ZER1: variants seen among roughly 807,000 people sequenced by gnomAD.
ZER1 encodes the protein protein zer-1 homolog.
Under a neutral mutation model 78.8 loss-of-function variants are expected in ZER1, and 11 were observed. The observed-to-expected ratio is 0.14, with a 90% CI of 0.09 to 0.23. The LOEUF (loss-of-function observed/expected upper bound fraction) is 0.23. ZER1 is among the 10% of genes least tolerant of loss of function. The pLI, the probability that ZER1 is intolerant of heterozygous loss-of-function variation, is 1.00. For synonymous variants in ZER1, 400 were observed against 407.0 expected (o/e 0.98, Z 0.21); for missense variants, 588 against 996.9 (o/e 0.59, Z 5.52).
In ZER1 at chr9:128,736,672, C is replaced by CTT. The variant is rs777824240; in HGVS notation, c.2043-1243_2043-1242dup. 6.5e-3 allele frequency among the ~76,000 whole-genome samples: 835 copies of CTT among 129,192 alleles called. 15 individuals are homozygous for CTT. The highest frequency in any genetic ancestry group is 0.023 in the African/African-American group (766 of 33,512). The allele number at this position is 129,192 out of a possible 152,430, so 84.8% of individuals were successfully genotyped here. On this transcript the variant is annotated intron_variant, in intron 13 of 15. Transcript: ENST00000291900. Reference sequence around the variant, plus strand: ...ACAGGCGTGAGCCACCATGCCTGGCCTTTTTTTTTTTTTTTTTGGAGAAAG... The same window carrying CTT: ...ACAGGCGTGAGCCACCATGCCTGGCCTTTTTTTTTTTTTTTTTTTGGAGAAAG...
intron 5 of ZER1, among the ~76,000 whole-genome samples, chr9:128,752,299 T>C (rs888056383): frequency 8.6e-5 from 13 of 151,880 alleles, no homozygotes; most frequent in African/African-American, 3.1e-4. Context: ...GCACAGCACT[T>C]GGCAGAGGGG....
chr9:128,747,847 G>C (rs1027429601), intron 8 of ZER1, among the ~76,000 whole-genome samples: 1 of 152,190 alleles, frequency 6.6e-6, no homozygotes, highest in African/African-American at 2.4e-5. Flanking sequence ...TGGAACTCCT[G>C]ATCTTAAGTG....
Position 128,741,667 on chromosome 9 carries a change from G to T in ZER1, c.1618-13C>A. 1 of 1,614,142 alleles carries T rather than the reference G, an allele frequency of 6.2e-7. No individual in the cohort carries two copies. The highest frequency in any genetic ancestry group is 8.5e-7 in the Non-Finnish European group (1 of 1,180,034). On this transcript the variant is annotated splice_polypyrimidine_tract_variant and intron_variant, in intron 10 of 15. Coordinates refer to ENST00000291900, the MANE Select transcript of ZER1 (RefSeq NM_006336.4). ...TGACCTGGTCACACTGTGAGGGCAG[G>T]GCAGGGCTCAGCCAAGGCTCCTGGT...
intron 8 of ZER1, among the ~76,000 whole-genome samples, chr9:128,743,278 G>T (rs1863368801): frequency 6.6e-6 from 1 of 151,670 alleles, no homozygotes; most frequent in Admixed American, 6.6e-5. Context: ...ACCATGCCCG[G>T]CTAATTTTTG....
chr9:128,763,053 G>A (rs547771131), intron 1 of ZER1, among the ~76,000 whole-genome samples: 1 of 152,222 alleles, frequency 6.6e-6, no homozygotes, highest in East Asian at 1.9e-4. Context: ...AAAGGCCCTC[G>A]GCACAGGTCA....
In ZER1 at chr9:128,755,166, C is replaced by T. The variant is rs1863814693; in HGVS notation, c.158+242G>A. On this transcript the variant is annotated intron_variant, in intron 2 of 15. Coordinates refer to ENST00000291900, the MANE Select transcript of ZER1 (RefSeq NM_006336.4). The surrounding 1 kb of genome is among the most constrained non-coding windows in gnomAD (Gnocchi z 5.6). ...TGTGCTGCATAAGCTTACATGTGTA[C>T]ACACACCCATGCCTTCACGTGCACA... 6.6e-6 allele frequency among the ~76,000 whole-genome samples: 1 copy of T among 152,140 alleles called. No individual in the cohort carries two copies. Among genetic ancestry groups the T allele is most frequent in the African/African-American group, 2.4e-5 (1 of 41,422 alleles).
At chr9:128,757,584 C>A (rs1033231355) in intron 1 of ZER1, among the ~76,000 whole-genome samples, 5 of 151,766 alleles carry the variant, frequency 3.3e-5, no homozygotes, top group Non-Finnish European at 5.9e-5. Context: ...GTGAAACAGA[C>A]AACAAACATG....
At position 128,740,921 on chromosome 9, in the gene ZER1, T is replaced by G. The variant is rs767810285; in HGVS notation, c.1738-34A>C. ...AGGAGAGCCAATGGGCCGCATCAAT[T>G]AGTACTTAATGACTTAGTATCTGGT... On this transcript the variant is annotated intron_variant, in intron 11 of 15. Coordinates refer to ENST00000291900, the MANE Select transcript of ZER1 (RefSeq NM_006336.4). The surrounding 1 kb of genome is among the most constrained non-coding windows in gnomAD (Gnocchi z 4.4). 1 of 777,530 alleles carries G rather than the reference T, an allele frequency of 1.3e-6. No homozygotes were observed. The highest frequency in any genetic ancestry group is 2.4e-6 in the Non-Finnish European group (1 of 416,242). The allele number at this position is 777,530 out of a possible 1,614,324, so 48.2% of individuals were successfully genotyped here. A position where few individuals can be genotyped will look rare whatever the true frequency, so the allele number is the denominator to read the frequency against.
At position 128,740,369 on chromosome 9, in the gene ZER1, G is replaced by A. The variant is rs574215871; in HGVS notation, c.1854-250C>T. Among the ~76,000 whole-genome samples, 5 of 152,268 alleles carry A rather than the reference G, an allele frequency of 3.3e-5. No homozygotes were observed. Among genetic ancestry groups the A allele is most frequent in the Admixed American group, 1.3e-4 (2 of 15,284 alleles). On this transcript the variant is annotated intron_variant, in intron 12 of 15. Transcript: ENST00000291900. This position sits in a 1 kb window ranked among gnomAD's most constrained non-coding sequence, Gnocchi z 4.4. ...TCAAGGCAGGTGGATCACGAGGTCC[G>A]GAGATCGAGACCATCCTGGCTAACA...
chr9:128,758,832 G>C (rs934665765), intron 1 of ZER1, among the ~76,000 whole-genome samples: 1 of 152,118 alleles, frequency 6.6e-6, no homozygotes, highest in Non-Finnish European at 1.5e-5. Context: ...TCTCATCTGT[G>C]GTGGGAGAAG....
At chr9:128,743,119 CTTTCTTTTTT>C (rs1863360065) in intron 8 of ZER1, among the ~76,000 whole-genome samples, 1 of 150,938 alleles carries the variant, frequency 6.6e-6, no homozygotes, top group African/African-American at 2.4e-5. Context: ...TTTTCTTTTT[CTTTCTTTTTT>C]TTTTTTGAGA....
chr9:128,739,041 G>T (rs536164528), intron 13 of ZER1, among the ~76,000 whole-genome samples: 1 of 151,360 alleles, frequency 6.6e-6, no homozygotes, highest in African/African-American at 2.4e-5. Context: ...TAGTAGGGAC[G>T]GGGTTTCACC....
At chr9:128,734,490 C>T (rs1862991491) in intron 14 of ZER1, among the ~76,000 whole-genome samples, 1 of 151,500 alleles carries the variant, frequency 6.6e-6, no homozygotes, top group South Asian at 2.1e-4. Flanking sequence ...AGCCACTGCA[C>T]CCGGACTAAT....
chr9:128,729,908 T>G lies in ZER1; in HGVS notation c.*1429A>C, dbSNP rs1862752473. 6.6e-6 allele frequency: 1 copy of G among 152,384 alleles called. No homozygotes were observed. The highest frequency in any genetic ancestry group is 1.5e-5 in the Non-Finnish European group (1 of 68,176). 9.4% of individuals were successfully genotyped at this position (152,384 alleles called of 1,614,324 possible). On this transcript the variant is annotated 3_prime_UTR_variant, in exon 16 of 16. Coordinates refer to ENST00000291900, the MANE Select transcript of ZER1 (RefSeq NM_006336.4). ...AGGGTCTGGCCGGGGCCGCTGAGCG[T>G]GGGAAGGAAGGGAGCGCCGCATGCA...
rs528750583 is a variant in ZER1, at chr9:128,732,322, C to T, written c.2244-928G>A. ...AATTCCAGGGCCACCTCCCACCTCC[C>T]GGATGTACTGGAAAAGAAAACCTAG... On this transcript the variant is annotated intron_variant, in intron 15 of 15. Transcript: ENST00000291900. This position sits in a 1 kb window ranked among gnomAD's most constrained non-coding sequence, Gnocchi z 4.8. Among the ~76,000 whole-genome samples, 104 of 152,302 alleles carry T rather than the reference C, an allele frequency of 6.8e-4. 2 individuals are homozygous for T. The South Asian group carries it at 0.019, about 28-fold the overall frequency.
At chr9:128,739,792 T>C (rs982530320) in intron 13 of ZER1, 139 bp downstream of exon 13, 1 of 1,046,612 alleles carries the variant, frequency 9.6e-7, no homozygotes, top group Non-Finnish European at 1.4e-6. Flanking sequence ...TGCGGCTACG[T>C]ATCAATGAGT....
At chr9:128,770,899 G>T (rs1864362544) in intron 1 of ZER1, among the ~76,000 whole-genome samples, 1 of 152,174 alleles carries the variant, frequency 6.6e-6, no homozygotes, top group Admixed American at 6.5e-5. Flanking sequence ...GCTGAGCGCG[G>T]TGGCTCATGC....
Position 128,749,377 on chromosome 9 carries a change from G to A in ZER1, c.1359+1239C>T, listed in dbSNP as rs554227127. 3.9e-5 allele frequency among the ~76,000 whole-genome samples: 6 copies of A among 152,300 alleles called. No homozygotes were observed. The South Asian group carries it at 1.2e-3, about 32-fold the overall frequency. ...TGTTTGATCCTTTCGTAGTTTATAAGAGTGATGATTAGGTCTTCATGCTCA... is the reference window on the plus strand; with the variant it reads ...TGTTTGATCCTTTCGTAGTTTATAAAAGTGATGATTAGGTCTTCATGCTCA... On this transcript the variant is annotated intron_variant, in intron 8 of 15. Transcript: ENST00000291900.
intron 15 of ZER1, 116 bp downstream of exon 15, chr9:128,733,310 T>C: frequency 1.2e-6 from 1 of 803,682 alleles, no homozygotes; most frequent in Non-Finnish European, 2.0e-6. Flanking sequence ...ACCTCCATAC[T>C]CAACTCTAAG....
Sources: gnomAD v4.1 joint callset for allele counts (sites outside exome capture counted in the v4.1 genomes callset) on GRCh38, gnomAD v4.1.1 for gene constraint, Gnocchi (gnomAD v3.1) non-coding constraint, MANE v1.5 for transcripts, NCBI Gene and HGNC (gene_info 2026-07-23, HGNC 2026-07-21) for gene names.